The following PIK3C3 variants were observed in gnomAD, a reference collection of about 807,000 sequenced individuals.
PIK3C3 encodes phosphatidylinositol 3-kinase catalytic subunit type 3, also known as PI3-kinase type 3.
In PIK3C3, 95 loss-of-function variants were observed where a neutral mutation model predicts 126.1. That is an observed-to-expected ratio of 0.75 (90% CI 0.64 to 0.89). The LOEUF is 0.89. Ranked by LOEUF, PIK3C3 falls within the 40% of genes least tolerant of loss-of-function variation. The probability of loss-of-function intolerance (pLI) is 0.00; values close to 1 mark genes in which losing one functional copy is unlikely to be tolerated. For missense variants in PIK3C3, 829 were observed against 1,063.2 expected (o/e 0.78, Z 3.06); for synonymous variants, 374 against 360.0 (o/e 1.04, Z -0.44).
At chr18:42,043,049 T>C (rs535326215) in intron 19 of PIK3C3, among the ~76,000 whole-genome samples, 25 of 152,106 alleles carry the variant, frequency 1.6e-4, no homozygotes, top group Non-Finnish European at 2.5e-4. Flanking sequence ...CAGATGCAAA[T>C]CCTTTGTCAG....
chr18:42,056,558 C>T (rs546151018), intron 21 of PIK3C3, among the ~76,000 whole-genome samples: 1 of 151,840 alleles, frequency 6.6e-6, no homozygotes, highest in Non-Finnish European at 1.5e-5. Context: ...TAAATAAAAC[C>T]AAGGAAAATG....
At chr18:42,039,712 C>G (rs591823) in intron 18 of PIK3C3, among the ~76,000 whole-genome samples, 4,216 of 152,250 alleles carry the variant, frequency 0.028, 192 homozygotes, top group African/African-American at 0.096. Context: ...TCCTTCGATC[C>G]CTACTGTAAG....
rs566901017 is a variant in PIK3C3 at position 41,963,613 on chromosome 18, G to A, written c.401+981G>A. The stretch of plus-strand genomic sequence containing the variant: ...GTTCTGGTTCCTTTCAGTGTGAAAT[G>A]CTATAGATCTGTCTGGATATTACAA... On this transcript the variant is annotated intron_variant, in intron 3 of 24. Transcript: ENST00000262039. 3.3e-5 allele frequency among the ~76,000 whole-genome samples: 5 copies of A among 152,224 alleles called. No individual in the cohort carries two copies. The East Asian group carries it at 9.6e-4, about 29-fold the overall frequency.
chr18:41,977,591 C>A (rs763189000), intron 4 of PIK3C3, among the ~76,000 whole-genome samples: 2 of 151,766 alleles, frequency 1.3e-5, no homozygotes, highest in South Asian at 2.1e-4. Flanking sequence ...TGGGTTCAAG[C>A]GATTCTCTGC....
chr18:42,056,809 C>T (rs1045703184), intron 21 of PIK3C3, among the ~76,000 whole-genome samples: 1 of 152,228 alleles, frequency 6.6e-6, no homozygotes, highest in South Asian at 2.1e-4. Context: ...GCATACTCCC[C>T]TTGAACCTTA....
intron 3 of PIK3C3, among the ~76,000 whole-genome samples, chr18:41,967,369 A>G (rs1156963844): frequency 6.6e-6 from 1 of 152,158 alleles, no homozygotes; most frequent in East Asian, 1.9e-4. Context: ...TACCATTCTC[A>G]TAACTTAGGG....
chr18:42,079,943 T>C (rs976063787), intron 24 of PIK3C3, among the ~76,000 whole-genome samples: 5 of 116,532 alleles, frequency 4.3e-5, no homozygotes, highest in African/African-American at 1.7e-4. Flanking sequence ...TCCCCAACTT[T>C]TGAGTGTGTG....
Position 42,037,708 on chromosome 18 carries a change from C to A in PIK3C3, c.1856C>A (p.Ala619Glu). Residue 619 changes from alanine to glutamate, a missense_variant, in exon 17 of 25, where the codon GCA (alanine) becomes GAA (glutamate). Ala to Glu is a moderately radical substitution (Grantham distance 107). Transcript: ENST00000262039. ...ATLFKSALMPAQLFFKTEDGG... is the reference protein window; with the variant it reads ...ATLFKSALMPEQLFFKTEDGG... Reference sequence around the variant, plus strand: ...ATTTTCCAGAGTGCCCTTATGCCTGCACAGTTGTTTTTTAAGACGGAAGAT... The same window carrying A: ...ATTTTCCAGAGTGCCCTTATGCCTGAACAGTTGTTTTTTAAGACGGAAGAT... 1 of 1,611,582 alleles carries A rather than the reference C, an allele frequency of 6.2e-7. No individual in the cohort carries two copies. Among genetic ancestry groups the A allele is most frequent in the Non-Finnish European group, 8.5e-7 (1 of 1,178,316 alleles).
At chr18:42,056,115 C>T (rs1376295287) in intron 21 of PIK3C3, among the ~76,000 whole-genome samples, 2 of 151,730 alleles carry the variant, frequency 1.3e-5, no homozygotes, top group Non-Finnish European at 2.9e-5. Flanking sequence ...ATTTTTTGAA[C>T]CTTTACAAAT....
intron 4 of PIK3C3, among the ~76,000 whole-genome samples, chr18:41,972,443 A>G (rs1340257950): frequency 6.6e-6 from 1 of 152,138 alleles, no homozygotes; most frequent in African/African-American, 2.4e-5. Flanking sequence ...AATGGTTAGC[A>G]GTTTTCAGAT....
In PIK3C3 at chr18:41,981,141, C is replaced by T. The variant is rs139075255; in HGVS notation, c.532-6671C>T. Among the ~76,000 whole-genome samples, 32 of 152,082 alleles carry T rather than the reference C, an allele frequency of 2.1e-4. 1 individual carries two copies. In the East Asian group the frequency reaches 4.1e-3, roughly 19 times the overall value. ...CGCCATTGAATTGTGTTATAACAAGCGTTTGGGAATATCTCGTAAATTTAT... is the reference window on the plus strand; with the variant it reads ...CGCCATTGAATTGTGTTATAACAAGTGTTTGGGAATATCTCGTAAATTTAT... On this transcript the variant is annotated intron_variant, in intron 4 of 24. Coordinates refer to ENST00000262039, the MANE Select transcript of PIK3C3 (RefSeq NM_002647.4).
chr18:42,020,730 A>G, intron 13 of PIK3C3, 25 bp downstream of exon 13: 1 of 1,280,556 alleles, frequency 7.8e-7, no homozygotes, highest in Non-Finnish European at 1.1e-6. Context: ...TTTTCTGTTT[A>G]TTTTCTTATT....
chr18:42,076,100 A>ATATATG (rs1473894418), intron 24 of PIK3C3, among the ~76,000 whole-genome samples: 17 of 73,644 alleles, frequency 2.3e-4, no homozygotes, highest in African/African-American at 1.2e-3. Flanking sequence ...ATATATATAT[A>ATATATG]TATATATATA....
chr18:42,049,678 A>G, intron 21 of PIK3C3, 73 bp downstream of exon 21: 2 of 1,232,394 alleles, frequency 1.6e-6, no homozygotes, highest in Admixed American at 1.7e-5. Context: ...CTATGTACTA[A>G]CAAGATAAGT....
chr18:42,083,227 T>C lies in PIK3C3; in HGVS notation c.*2090T>C, dbSNP rs1239305816. The C allele has an allele frequency of 6.6e-6, 1 of 152,208 alleles. No homozygotes were observed. Among genetic ancestry groups the C allele is most frequent in the Admixed American group, 6.5e-5 (1 of 15,280 alleles). The allele number at this position is 152,208 out of a possible 1,614,324, so 9.4% of individuals were successfully genotyped here. On this transcript the variant is annotated 3_prime_UTR_variant, in exon 25 of 25. Coordinates refer to ENST00000262039, the MANE Select transcript of PIK3C3 (RefSeq NM_002647.4). ...TCCAAATTCCATTGTTTTTACTCTT[T>C]AGAGCTCTATCCTCAGAGTGTAGTC...
At chr18:42,013,826 T>G (rs1982943799) in intron 11 of PIK3C3, among the ~76,000 whole-genome samples, 1 of 152,176 alleles carries the variant, frequency 6.6e-6, no homozygotes, top group African/African-American at 2.4e-5. Flanking sequence ...ACTCTGCCAC[T>G]TACTAGCTGT....
At chr18:41,979,406 C>G (rs750074954) in intron 4 of PIK3C3, among the ~76,000 whole-genome samples, 3 of 152,092 alleles carry the variant, frequency 2.0e-5, no homozygotes, top group Non-Finnish European at 4.4e-5. Flanking sequence ...CATGTTATCT[C>G]TGAAAGACTA....
chr18:42,054,130 A>ATCTATATCTATATATATATCTATATC, intron 21 of PIK3C3, among the ~76,000 whole-genome samples: 1 of 8,934 alleles, frequency 1.1e-4, no homozygotes, highest in South Asian at 3.5e-3. Context: ...CTAATGGTAT[A>ATCTATATCTATATATATATCTATATC]TATATATATA....
chr18:42,024,475 G>A (rs1983464086), intron 13 of PIK3C3, among the ~76,000 whole-genome samples: 1 of 148,866 alleles, frequency 6.7e-6, no homozygotes, highest in Admixed American at 6.7e-5. Context: ...CATTCTTGTT[G>A]CCCAGGCTGG....
Sources: allele counts gnomAD v4.1 joint callset (sites outside exome capture counted in the v4.1 genomes callset), GRCh38; gene constraint gnomAD v4.1.1; transcripts MANE v1.5; gene names NCBI Gene and HGNC (gene_info 2026-07-23, HGNC 2026-07-21).